THSD7B: variants seen among roughly 807,000 people sequenced by gnomAD.
THSD7B encodes thrombospondin type-1 domain-containing protein 7B.
Under a neutral mutation model 213.6 loss-of-function variants are expected in THSD7B, and 138 were observed. The observed-to-expected ratio is 0.65, with a 90% CI of 0.56 to 0.74. The LOEUF (loss-of-function observed/expected upper bound fraction) is 0.74. Among genes scored for constraint, THSD7B ranks in the 30% least tolerant of loss-of-function variants. THSD7B has a pLI of 0.00. For synonymous variants in THSD7B, 742 were observed against 687.0 expected, an observed-to-expected ratio of 1.08 and a Z score of -1.25; for missense variants, 1,931 against 1,991.5, an observed-to-expected ratio of 0.97 and a Z score of 0.58.
At chr2:137,167,531 A>G (rs990203597) in intron 6 of THSD7B, among the ~76,000 whole-genome samples, 1 of 152,150 alleles carries the variant, frequency 6.6e-6, no homozygotes, top group Non-Finnish European at 1.5e-5. Context: ...GCAGAAATAC[A>G]GCCCTCAGAT....
At chr2:137,047,927 A>G (rs929800269) in intron 2 of THSD7B, among the ~76,000 whole-genome samples, 1 of 152,130 alleles carries the variant, frequency 6.6e-6, no homozygotes, top group African/African-American at 2.4e-5. Context: ...TTTTTATTAT[A>G]CTTTAAGTTC....
intron 1 of THSD7B, among the ~76,000 whole-genome samples, chr2:136,829,880 T>TA (rs1682720127): frequency 6.6e-6 from 1 of 152,214 alleles, no homozygotes; most frequent in South Asian, 2.1e-4. Context: ...ATAGAATAAT[T>TA]ATACATTAAA....
chr2:137,276,148 T>C lies in THSD7B; in HGVS notation c.2500+122T>C, dbSNP rs1299597778. The C allele has an allele frequency of 4.3e-6, 3 of 703,886 alleles. No individual in the cohort carries two copies. The African/African-American group carries it at 5.7e-5, about 13-fold the overall frequency. The allele number at this position is 703,886 out of a possible 1,614,324, so 43.6% of individuals were successfully genotyped here. Reference sequence around the variant, plus strand: ...ATATTATTGGCTTGAATTATTCATATTTATTGATGTTAAATATAAATAGGA... The same window carrying C: ...ATATTATTGGCTTGAATTATTCATACTTATTGATGTTAAATATAAATAGGA... On this transcript the variant is annotated intron_variant, in intron 12 of 27. Transcript: ENST00000409968.
intron 17 of THSD7B, among the ~76,000 whole-genome samples, chr2:137,595,990 C>A (rs1178942474): frequency 6.6e-6 from 1 of 151,712 alleles, no homozygotes. Context: ...GAAGAAAAAA[C>A]CCCAAAATAC....
At chr2:137,557,662 A>T (rs949751537) in intron 15 of THSD7B, among the ~76,000 whole-genome samples, 1 of 152,206 alleles carries the variant, frequency 6.6e-6, no homozygotes, top group African/African-American at 2.4e-5. Flanking sequence ...GAACTAGAAA[A>T]GCAAGAGCAA....
chr2:137,237,326 A>G (rs192151070), intron 9 of THSD7B, among the ~76,000 whole-genome samples: 12 of 152,208 alleles, frequency 7.9e-5, no homozygotes, highest in African/African-American at 2.2e-4. Context: ...CTTACTAGCT[A>G]AAAAGTGAAT....
At chr2:137,158,940 A>T (rs1271389477) in intron 5 of THSD7B, among the ~76,000 whole-genome samples, 4 of 152,150 alleles carry the variant, frequency 2.6e-5, no homozygotes, top group African/African-American at 4.8e-5. Context: ...ACCATTTGTT[A>T]AAAAAAACTC....
chr2:137,059,355 A>G (rs376983524), intron 3 of THSD7B, among the ~76,000 whole-genome samples: 47 of 152,316 alleles, frequency 3.1e-4, no homozygotes, highest in African/African-American at 1.1e-3. Flanking sequence ...GTTACAATTG[A>G]TGAGCTAATA....
At chr2:137,557,867 A>G (rs1681014133) in intron 15 of THSD7B, among the ~76,000 whole-genome samples, 1 of 152,076 alleles carries the variant, frequency 6.6e-6, no homozygotes, top group African/African-American at 2.4e-5. Context: ...ACGCAATAAA[A>G]AATGATAAGG....
intron 12 of THSD7B, among the ~76,000 whole-genome samples, chr2:137,374,750 G>T (rs558324974): frequency 9.9e-5 from 15 of 152,190 alleles, no homozygotes; most frequent in Non-Finnish European, 2.1e-4. Flanking sequence ...ACACATAAGA[G>T]TGCACTCTAC....
chr2:137,188,017 A>G (rs1163963566), intron 7 of THSD7B, among the ~76,000 whole-genome samples: 1 of 152,144 alleles, frequency 6.6e-6, no homozygotes, highest in Non-Finnish European at 1.5e-5. Context: ...ACACTGTAAG[A>G]TAAGTCTCAT....
intron 5 of THSD7B, among the ~76,000 whole-genome samples, chr2:137,120,178 G>A (rs1038883929): frequency 8.5e-5 from 13 of 152,110 alleles, no homozygotes; most frequent in African/African-American, 3.1e-4. Flanking sequence ...CAGTTCACAT[G>A]AGGCCAAGAG....
intron 2 of THSD7B, among the ~76,000 whole-genome samples, chr2:136,973,155 A>T (rs186366127): frequency 3.9e-5 from 6 of 152,140 alleles, no homozygotes; most frequent in Non-Finnish European, 7.4e-5. Context: ...TGACTGGTGA[A>T]TATTTTTCTT....
intron 15 of THSD7B, among the ~76,000 whole-genome samples, chr2:137,555,266 C>T (rs942174311): frequency 2.0e-5 from 3 of 152,154 alleles, no homozygotes; most frequent in East Asian, 1.9e-4. Flanking sequence ...CCCTGACCCC[C>T]GAGTAGCCTA....
chr2:137,448,747 C>T (rs1404018418), intron 14 of THSD7B, among the ~76,000 whole-genome samples: 2 of 151,794 alleles, frequency 1.3e-5, no homozygotes, highest in Non-Finnish European at 2.9e-5. Flanking sequence ...TGCAGTGAGC[C>T]GAGATTGCGC....
intron 11 of THSD7B, among the ~76,000 whole-genome samples, chr2:137,273,882 A>C (rs1682808710): frequency 6.6e-6 from 1 of 152,092 alleles, no homozygotes; most frequent in Non-Finnish European, 1.5e-5. Flanking sequence ...CAAGGAAAGT[A>C]TCCAAATGAA....
chr2:137,212,127 AT>A (rs1233916243), intron 7 of THSD7B, among the ~76,000 whole-genome samples: 1 of 152,096 alleles, frequency 6.6e-6, no homozygotes, highest in Non-Finnish European at 1.5e-5. Flanking sequence ...TGTATTAAAT[AT>A]TTTTAAATGC....
intron 15 of THSD7B, among the ~76,000 whole-genome samples, chr2:137,454,962 A>C (rs192146915): frequency 1.3e-5 from 2 of 151,922 alleles, no homozygotes; most frequent in East Asian, 3.9e-4. Flanking sequence ...CTATTTGGGC[A>C]TGAGGAGGAT....
At chr2:137,628,155 T>G (rs1434973538) in intron 20 of THSD7B, among the ~76,000 whole-genome samples, 1 of 152,202 alleles carries the variant, frequency 6.6e-6, no homozygotes, top group Non-Finnish European at 1.5e-5. Flanking sequence ...TCCACGTTCC[T>G]CTACCTGTCT....
Sources: gnomAD v4.1 joint callset for allele counts (sites outside exome capture counted in the v4.1 genomes callset) on GRCh38, gnomAD v4.1.1 for gene constraint, MANE v1.5 for transcripts, NCBI Gene and HGNC (gene_info 2026-07-23, HGNC 2026-07-21) for gene names.